The following ZDHHC20 variants were observed in gnomAD, a reference collection of about 807,000 sequenced individuals.
ZDHHC20 encodes the protein palmitoyltransferase ZDHHC20.
A neutral mutation model predicts 57.8 loss-of-function variants in ZDHHC20; 43 were observed. The observed-to-expected ratio is 0.74, with a 90% CI of 0.58 to 0.96. The LOEUF is 0.96. Among genes scored for constraint, ZDHHC20 ranks in the 40% least tolerant of loss-of-function variants. The pLI, the probability that ZDHHC20 is intolerant of heterozygous loss-of-function variation, is 0.00. For synonymous variants in ZDHHC20, 157 were observed against 153.0 expected (o/e 1.03, Z -0.19); for missense variants, 391 against 441.1 (o/e 0.89, Z 1.02).
chr13:21,443,914 G>A (rs1883426993), intron 1 of ZDHHC20, among the ~76,000 whole-genome samples: 1 of 152,188 alleles, frequency 6.6e-6, no homozygotes. Flanking sequence ...TGTAATTCCT[G>A]CAGTTAGGGA....
At chr13:21,407,329 G>C (rs538159751) in intron 4 of ZDHHC20, among the ~76,000 whole-genome samples, 10 of 152,142 alleles carry the variant, frequency 6.6e-5, no homozygotes, top group Non-Finnish European at 1.3e-4. Context: ...CATTCTAACT[G>C]GTGTGAGATG....
chr13:21,424,694 G>A (rs1265010166), intron 2 of ZDHHC20, among the ~76,000 whole-genome samples: 5 of 146,972 alleles, frequency 3.4e-5, no homozygotes, highest in African/African-American at 4.9e-5. Context: ...CTGGGCAACA[G>A]AGCGAGACTC....
At chr13:21,406,377 T>C (rs1207413037) in intron 4 of ZDHHC20, among the ~76,000 whole-genome samples, 1 of 152,210 alleles carries the variant, frequency 6.6e-6, no homozygotes, top group Non-Finnish European at 1.5e-5. Context: ...TTTCTGTTAT[T>C]TGTGCTTTTC....
intron 1 of ZDHHC20, among the ~76,000 whole-genome samples, chr13:21,435,663 A>C (rs1882469940): frequency 6.6e-6 from 1 of 152,238 alleles, no homozygotes; most frequent in Admixed American, 6.5e-5. Flanking sequence ...GTAAATGTAG[A>C]AGAAATCATG....
intron 1 of ZDHHC20, among the ~76,000 whole-genome samples, chr13:21,432,403 C>G (rs1882069814): frequency 6.6e-6 from 1 of 151,522 alleles, no homozygotes; most frequent in Non-Finnish European, 1.5e-5. Context: ...GATCTCGGCT[C>G]ACTACAAGCT....
At chr13:21,378,877 T>C in intron 11 of ZDHHC20, 139 bp from the exon 12 acceptor site, 1 of 434,784 alleles carries the variant, frequency 2.3e-6, no homozygotes, top group Non-Finnish European at 3.9e-6. Context: ...ACCATTTGTC[T>C]TCTTATAGAA....
At chr13:21,392,631 A>G (rs1355267668) in intron 7 of ZDHHC20, among the ~76,000 whole-genome samples, 5 of 152,238 alleles carry the variant, frequency 3.3e-5, no homozygotes, top group African/African-American at 9.6e-5. Context: ...ACTAGAGCCT[A>G]GAAGAAATTA....
At position 21,375,651 on chromosome 13, in the gene ZDHHC20, T is replaced by A. The variant is rs9509668; in HGVS notation, c.*1045A>T. On this transcript the variant is annotated 3_prime_UTR_variant, in exon 13 of 13. Coordinates refer to ENST00000400590, the MANE Select transcript of ZDHHC20 (RefSeq NM_001330059.2). ...TTACTCTAAAGTTTTTTTTGCCTAG[T>A]TTAAATTGCATTTTAAATCACTGTT... is the stretch of plus-strand genomic sequence containing the variant. 2,199 of 153,694 alleles carry A rather than the reference T, an allele frequency of 0.014. 30 individuals are homozygous for A. The highest frequency in any genetic ancestry group is 0.024 in the Middle Eastern group (7 of 294). 9.5% of individuals were successfully genotyped at this position (153,694 alleles called of 1,614,324 possible). A position where few individuals can be genotyped will look rare whatever the true frequency, so the allele number is the denominator to read the frequency against.
intron 7 of ZDHHC20, 41 bp from the exon 8 acceptor site, chr13:21,391,895 A>G: frequency 6.3e-7 from 1 of 1,579,182 alleles, no homozygotes; most frequent in Non-Finnish European, 8.6e-7. Flanking sequence ...CAACCTCTAA[A>G]ATATAACTTA....
chr13:21,379,764 T>C (rs866810683), intron 11 of ZDHHC20, among the ~76,000 whole-genome samples: 1 of 152,090 alleles, frequency 6.6e-6, no homozygotes, highest in Non-Finnish European at 1.5e-5. Flanking sequence ...AATTCATAAA[T>C]GATTAAGAGT....
intron 1 of ZDHHC20, among the ~76,000 whole-genome samples, chr13:21,449,382 T>A (rs1884221435): frequency 6.6e-6 from 1 of 152,318 alleles, no homozygotes; most frequent in Non-Finnish European, 1.5e-5. Flanking sequence ...ATCGCCTTGT[T>A]CACACATTAG....
chr13:21,393,874 G>A (rs1041088759), intron 7 of ZDHHC20, among the ~76,000 whole-genome samples: 1 of 152,154 alleles, frequency 6.6e-6, no homozygotes, highest in Non-Finnish European at 1.5e-5. Context: ...TCAGTCTGGG[G>A]AAGAATAAAA....
chr13:21,390,569 C>A (rs574969589), intron 8 of ZDHHC20, among the ~76,000 whole-genome samples: 1 of 151,982 alleles, frequency 6.6e-6, no homozygotes, highest in African/African-American at 2.4e-5. Context: ...GGAACATATG[C>A]CAGTTAAATG....
At chr13:21,446,932 C>T (rs1467356006) in intron 1 of ZDHHC20, among the ~76,000 whole-genome samples, 1 of 152,046 alleles carries the variant, frequency 6.6e-6, no homozygotes, top group African/African-American at 2.4e-5. Flanking sequence ...AATGAATACA[C>T]AATGCCTTAA....
chr13:21,375,264 G>A lies in ZDHHC20; in HGVS notation c.*1432C>T, dbSNP rs1005547946. On this transcript the variant is annotated 3_prime_UTR_variant, in exon 13 of 13. Transcript: ENST00000400590. Reference sequence around the variant, plus strand: ...CCCCTGCAGTCCCATTTTACAGACAGGAAGCTCCAACCTGTAGTACTCACA... The same window carrying A: ...CCCCTGCAGTCCCATTTTACAGACAAGAAGCTCCAACCTGTAGTACTCACA... 1 of 436,244 alleles carries A rather than the reference G, an allele frequency of 2.3e-6. No homozygotes were observed. Among genetic ancestry groups the A allele is most frequent in the Non-Finnish European group, 4.6e-6 (1 of 218,256 alleles). 27.0% of individuals were successfully genotyped at this position (436,244 alleles called of 1,614,324 possible).
At chr13:21,423,655 C>G (rs894033743) in intron 2 of ZDHHC20, among the ~76,000 whole-genome samples, 4 of 150,710 alleles carry the variant, frequency 2.7e-5, no homozygotes, top group Non-Finnish European at 5.9e-5. Flanking sequence ...GCCTGAGCGA[C>G]AGAGCGAGAC....
chr13:21,408,869 T>C (rs1878822022), intron 4 of ZDHHC20, among the ~76,000 whole-genome samples: 2 of 152,216 alleles, frequency 1.3e-5, no homozygotes, highest in African/African-American at 4.8e-5. Context: ...ATTGAGATAA[T>C]TATGTGGTTT....
At chr13:21,387,827 T>C (rs1261915080) in intron 8 of ZDHHC20, among the ~76,000 whole-genome samples, 193 bp from the exon 9 acceptor site, 3 of 152,142 alleles carry the variant, frequency 2.0e-5, no homozygotes, top group African/African-American at 4.8e-5. Flanking sequence ...ACATTTAATA[T>C]TTCATCAACC....
chr13:21,454,965 G>T (rs1329465195), intron 1 of ZDHHC20, among the ~76,000 whole-genome samples: 1 of 152,164 alleles, frequency 6.6e-6, no homozygotes, highest in Non-Finnish European at 1.5e-5. Context: ...CTGTCGCCCA[G>T]GCTGGAGTGC....
Sources: allele counts gnomAD v4.1 joint callset (sites outside exome capture counted in the v4.1 genomes callset), GRCh38; gene constraint gnomAD v4.1.1; transcripts MANE v1.5; gene names NCBI Gene and HGNC (gene_info 2026-07-23, HGNC 2026-07-21).